PCDHGA1: variants seen among roughly 807,000 people sequenced by gnomAD.
PCDHGA1 encodes the protein protocadherin gamma subfamily A, 1.
PCDHGA1 carries 32 observed loss-of-function variants against 58.0 expected under a neutral mutation model. That is an observed-to-expected ratio of 0.55 (90% CI 0.42 to 0.74). PCDHGA1 has a LOEUF of 0.74. Ranked by LOEUF, PCDHGA1 falls within the 30% of genes least tolerant of loss-of-function variation. The pLI, the probability that PCDHGA1 is intolerant of heterozygous loss-of-function variation, is 0.00. For synonymous variants in PCDHGA1, 498 were observed against 501.1 expected (o/e 0.99, Z 0.08); for missense variants, 1,205 against 1,182.3 (o/e 1.02, Z -0.28).
intron 1 of PCDHGA1, among the ~76,000 whole-genome samples, chr5:141,459,660 T>C (rs73280323): frequency 7.9e-4 from 120 of 152,386 alleles, no homozygotes; most frequent in African/African-American, 2.7e-3. Flanking sequence ...AATATCACTT[T>C]ACATTTTCAT....
chr5:141,486,644 T>G lies in PCDHGA1; in HGVS notation c.2422-8163T>G, dbSNP rs765487821. ...AGACTCTGGCTTGAATGCGCTTATC[T>G]CCTACTCACTCCTGGAGCCCAGGAA... On this transcript the variant is annotated intron_variant, in intron 1 of 3. Transcript: ENST00000517417. This position sits in a 1 kb window ranked among gnomAD's most constrained non-coding sequence, Gnocchi z 5.0. 9.3e-6 allele frequency: 15 copies of G among 1,613,722 alleles called. 2 individuals carry two copies. The Middle Eastern group carries it at 6.6e-4, about 71-fold the overall frequency.
intron 1 of PCDHGA1, chr5:141,339,159 G>C (rs1393354931): frequency 1.9e-6 from 3 of 1,614,182 alleles, no homozygotes; most frequent in Non-Finnish European, 1.7e-6. Context: ...GCAGAGCAGG[G>C]AGTCCGCATC....
At chr5:141,351,987 G>C (rs1399569045) in intron 1 of PCDHGA1, 1 of 1,611,124 alleles carries the variant, frequency 6.2e-7, no homozygotes, top group Non-Finnish European at 8.5e-7. Flanking sequence ...ATGGTGCCAC[G>C]CGCCGCAGAG....
Position 141,423,542 on chromosome 5 carries a change from C to T in PCDHGA1, c.2422-71265C>T, listed in dbSNP as rs755766737. 4.3e-6 allele frequency: 7 copies of T among 1,613,616 alleles called. No individual in the cohort carries two copies. The African/African-American group carries it at 6.7e-5, about 15-fold the overall frequency. The stretch of plus-strand genomic sequence containing the variant: ...TCGCAGAAGAGTCACCTGATTTTCC[C>T]CCAGCCCAACTATGGGGACACGCTC... On this transcript the variant is annotated intron_variant, in intron 1 of 3. Transcript: ENST00000517417.
intron 1 of PCDHGA1, chr5:141,370,329 A>G: frequency 9.9e-6 from 14 of 1,407,454 alleles, no homozygotes; most frequent in Non-Finnish European, 1.2e-5. Context: ...CTGCTCGGAG[A>G]ACTCTTGGGA....
At chr5:141,460,983 G>GTGTA (rs1554142949) in intron 1 of PCDHGA1, among the ~76,000 whole-genome samples, 1,579 of 137,794 alleles carry the variant, frequency 0.011, 39 homozygotes, top group African/African-American at 0.038. Context: ...GTGTGTGTGT[G>GTGTA]TATATATATA....
At position 141,438,243 on chromosome 5, in the gene PCDHGA1, A is replaced by C. The variant is rs1445738408; in HGVS notation, c.2422-56564A>C. ...TGGTTCAGGAAAATGTTTTTAAAAA[A>C]CTGTCATTGAAGAGACCATAGAATC... On this transcript the variant is annotated intron_variant, in intron 1 of 3. Coordinates refer to ENST00000517417, the MANE Select transcript of PCDHGA1 (RefSeq NM_018912.3). Among the ~76,000 whole-genome samples, 3 of 152,250 alleles carry C rather than the reference A, an allele frequency of 2.0e-5. No individual in the cohort carries two copies. In the East Asian group the frequency reaches 5.8e-4, roughly 29 times the overall value.
intron 2 of PCDHGA1, among the ~76,000 whole-genome samples, chr5:141,495,262 A>G (rs550950979): frequency 1.3e-5 from 2 of 152,246 alleles, no homozygotes; most frequent in South Asian, 2.1e-4. Flanking sequence ...GCAGAAAAGC[A>G]TTTGACCGGA....
chr5:141,418,579 A>C, intron 1 of PCDHGA1: 1 of 1,614,000 alleles, frequency 6.2e-7, no homozygotes. Context: ...ACAACCCCCC[A>C]GTGTTCAGCC....
At chr5:141,364,137 G>T in intron 1 of PCDHGA1, 1 of 496,716 alleles carries the variant, frequency 2.0e-6, no homozygotes, top group Non-Finnish European at 3.4e-6. Flanking sequence ...GTTGACCAAA[G>T]TGGGAAAGAA....
At chr5:141,384,192 C>G in intron 1 of PCDHGA1, 1 of 1,613,866 alleles carries the variant, frequency 6.2e-7, no homozygotes. Flanking sequence ...GAACTCCTCC[C>G]TTGTCCAGGG....
intron 1 of PCDHGA1, chr5:141,433,047 C>G: frequency 1.9e-6 from 3 of 1,614,164 alleles, no homozygotes; most frequent in Non-Finnish European, 2.5e-6. Context: ...ACCACGGACT[C>G]GCGGAAGAGT....
At chr5:141,345,885 T>A (rs948895515) in intron 1 of PCDHGA1, 1 of 1,613,382 alleles carries the variant, frequency 6.2e-7, no homozygotes, top group Admixed American at 1.7e-5. Flanking sequence ...GGGACTCTTC[T>A]CGGTGGGTCT....
intron 1 of PCDHGA1, among the ~76,000 whole-genome samples, chr5:141,456,919 C>T (rs2098898169): frequency 1.3e-5 from 2 of 152,124 alleles, no homozygotes; most frequent in South Asian, 4.1e-4. Context: ...GCCGAGATCG[C>T]ACCACTGCAC....
At chr5:141,481,656 A>G (rs1425280340) in intron 1 of PCDHGA1, among the ~76,000 whole-genome samples, 1 of 152,084 alleles carries the variant, frequency 6.6e-6, no homozygotes, top group Non-Finnish European at 1.5e-5. Context: ...CATCTCTACT[A>G]ATAATACAAA....
chr5:141,409,628 G>T (rs367728235), intron 1 of PCDHGA1: 1 of 1,613,848 alleles, frequency 6.2e-7, no homozygotes. Flanking sequence ...GCAAGTGAGC[G>T]CCTCTGACCC....
intron 1 of PCDHGA1, chr5:141,423,023 C>G (rs1410040994): frequency 6.2e-7 from 1 of 1,614,222 alleles, no homozygotes; most frequent in Non-Finnish European, 8.5e-7. Context: ...GACAAAGATT[C>G]AGGCCAGAAC....
chr5:141,420,067 A>G (rs2096463342), intron 1 of PCDHGA1: 2 of 1,614,034 alleles, frequency 1.2e-6, no homozygotes, highest in East Asian at 2.2e-5. Flanking sequence ...CCAAGTCCGG[A>G]CCTGTGGGTC....
rs769351399 is a variant in PCDHGA1, at chr5:141,432,649, A to G, written c.2422-62158A>G. The G allele has an allele frequency of 6.2e-7, 1 of 1,613,742 alleles. No homozygotes were observed. The highest frequency in any genetic ancestry group is 1.1e-5 in the South Asian group (1 of 91,054). ...ACACGGGCGAGGTGCGCACGGCGCG[A>G]GCCCTGCTGGACAGAGACGCGCTCA... is the stretch of plus-strand genomic sequence containing the variant. On this transcript the variant is annotated intron_variant, in intron 1 of 3. Coordinates refer to ENST00000517417, the MANE Select transcript of PCDHGA1 (RefSeq NM_018912.3). The surrounding 1 kb of genome is among the most constrained non-coding windows in gnomAD (Gnocchi z 6.0).
Sources: allele counts gnomAD v4.1 joint callset (sites outside exome capture counted in the v4.1 genomes callset), GRCh38; gene constraint gnomAD v4.1.1; non-coding constraint Gnocchi (gnomAD v3.1); transcripts MANE v1.5; gene names NCBI Gene and HGNC (gene_info 2026-07-23, HGNC 2026-07-21).